Variants in CDH13 observed in about 807,000 individuals in gnomAD.
CDH13 encodes the protein cadherin 13, also known as cadherin-13.
In CDH13, 24 loss-of-function variants were observed where a neutral mutation model predicts 63.8. The ratio of observed to expected loss-of-function variants is 0.38; its 90% CI spans 0.27 to 0.53. The LOEUF is 0.53. Among genes scored for constraint, CDH13 ranks in the 20% least tolerant of loss-of-function variants. The probability of loss-of-function intolerance (pLI) is 0.85; values close to 1 mark genes in which losing one functional copy is unlikely to be tolerated. For missense variants in CDH13, 1,049 were observed against 903.1 expected (o/e 1.16, Z -2.07); for synonymous variants, 503 against 355.3 (o/e 1.42, Z -4.67).
chr16:83,114,102 C>G (rs1170400211), intron 3 of CDH13, among the ~76,000 whole-genome samples: 1 of 152,170 alleles, frequency 6.6e-6, no homozygotes, highest in Non-Finnish European at 1.5e-5. Flanking sequence ...AGTTTATTTT[C>G]TACCCGAAGC....
intron 7 of CDH13, among the ~76,000 whole-genome samples, chr16:83,491,226 G>A (rs1319480520): frequency 6.6e-6 from 1 of 152,218 alleles, no homozygotes; most frequent in Non-Finnish European, 1.5e-5. Flanking sequence ...TGGGTGAATA[G>A]GATGGACAGG....
chr16:82,868,180 A>G (rs1288747913), intron 2 of CDH13, among the ~76,000 whole-genome samples: 2 of 152,208 alleles, frequency 1.3e-5, no homozygotes, highest in Non-Finnish European at 1.5e-5. Flanking sequence ...TGTGCCAAGG[A>G]AAATTATTCT....
intron 1 of CDH13, among the ~76,000 whole-genome samples, chr16:82,777,867 G>T (rs1161234585): frequency 1.3e-5 from 2 of 152,112 alleles, no homozygotes; most frequent in South Asian, 2.1e-4. Context: ...TTAATTCCTT[G>T]CCTTTTGGAC....
chr16:82,946,653 G>A (rs1234031875), intron 2 of CDH13, among the ~76,000 whole-genome samples: 2 of 151,952 alleles, frequency 1.3e-5, no homozygotes, highest in African/African-American at 4.8e-5. Flanking sequence ...ACCAGGAGGT[G>A]GAGGTTGCAG....
At chr16:82,719,618 G>T in intron 1 of CDH13, 2 of 344,770 alleles carry the variant, frequency 5.8e-6, no homozygotes, top group South Asian at 2.3e-5. Context: ...AGCCAAGGTG[G>T]GTGGATCACC....
intron 7 of CDH13, among the ~76,000 whole-genome samples, chr16:83,524,793 C>G (rs912877797): frequency 1.3e-5 from 2 of 152,102 alleles, no homozygotes; most frequent in African/African-American, 4.8e-5. Flanking sequence ...GCTGAGAGGT[C>G]TTGGCAAACC....
chr16:83,138,454 C>G (rs2036392736), intron 4 of CDH13, among the ~76,000 whole-genome samples: 1 of 152,148 alleles, frequency 6.6e-6, no homozygotes, highest in South Asian at 2.1e-4. Flanking sequence ...CAACGCGAAG[C>G]TGAGATGGGA....
intron 2 of CDH13, among the ~76,000 whole-genome samples, chr16:82,994,727 A>G (rs1323913914): frequency 1.3e-5 from 2 of 152,240 alleles, no homozygotes; most frequent in Admixed American, 1.3e-4. Context: ...ATAGTATTCA[A>G]GCCCCAAACA....
At chr16:83,748,497 C>A (rs1021372126) in intron 11 of CDH13, among the ~76,000 whole-genome samples, 3 of 152,120 alleles carry the variant, frequency 2.0e-5, no homozygotes, top group African/African-American at 4.8e-5. Context: ...CTCACCCTGT[C>A]CCATCTTGGG....
intron 6 of CDH13, among the ~76,000 whole-genome samples, chr16:83,429,782 A>G (rs1439954983): frequency 3.3e-5 from 5 of 152,178 alleles, no homozygotes; most frequent in African/African-American, 4.8e-5. Context: ...TTATTGTGGT[A>G]AGAACACTTA....
In CDH13 at chr16:83,644,275, A is replaced by G. The variant is rs568907724; in HGVS notation, c.1102-26515A>G. On this transcript the variant is annotated intron_variant, in intron 8 of 13. Transcript: ENST00000567109. ...ATATAACGGATTTCCCTTCTGATCC[A>G]TAATGCCAAACAATATGCTACTTCA... is the stretch of plus-strand genomic sequence containing the variant. 2.0e-5 allele frequency among the ~76,000 whole-genome samples: 3 copies of G among 152,340 alleles called. No homozygotes were observed. In the South Asian group the frequency reaches 6.2e-4, roughly 32 times the overall value.
intron 1 of CDH13, among the ~76,000 whole-genome samples, chr16:82,777,182 T>G (rs1393670707): frequency 6.6e-6 from 1 of 152,156 alleles, no homozygotes; most frequent in Non-Finnish European, 1.5e-5. Context: ...TTACCCAGAG[T>G]GGTCTCCAAC....
chr16:82,686,600 C>A (rs540077014), intron 1 of CDH13, among the ~76,000 whole-genome samples: 1 of 152,174 alleles, frequency 6.6e-6, no homozygotes, highest in Admixed American at 6.5e-5. Context: ...CTCTGGCCTT[C>A]GGTTTTTCAG....
intron 1 of CDH13, among the ~76,000 whole-genome samples, chr16:82,771,579 G>C (rs962063827): frequency 1.3e-5 from 2 of 152,186 alleles, no homozygotes; most frequent in African/African-American, 4.8e-5. Context: ...ACGGAGGCTC[G>C]GAGAGTTTCA....
chr16:83,647,038 C>T (rs375035887), intron 8 of CDH13, among the ~76,000 whole-genome samples: 3 of 151,958 alleles, frequency 2.0e-5, no homozygotes, highest in Non-Finnish European at 4.4e-5. Context: ...CGGCCAGGCG[C>T]GGTGGCTCAC....
At chr16:83,702,030 T>C (rs1906315349) in intron 10 of CDH13, among the ~76,000 whole-genome samples, 1 of 152,194 alleles carries the variant, frequency 6.6e-6, no homozygotes, top group African/African-American at 2.4e-5. Context: ...CTAGCAAAGC[T>C]CTTAGCACAG....
chr16:82,972,705 C>G (rs1382667768), intron 2 of CDH13, among the ~76,000 whole-genome samples: 1 of 152,168 alleles, frequency 6.6e-6, no homozygotes, highest in Non-Finnish European at 1.5e-5. Context: ...TAGATTGGCA[C>G]CATTCCATGA....
chr16:83,330,669 G>A (rs2090461305), intron 5 of CDH13, among the ~76,000 whole-genome samples: 1 of 152,198 alleles, frequency 6.6e-6, no homozygotes, highest in African/African-American at 2.4e-5. Flanking sequence ...TCCCCAGAGT[G>A]TGGGCCTGGA....
intron 8 of CDH13, among the ~76,000 whole-genome samples, chr16:83,627,127 C>CA (rs11407282): frequency 0.89 from 128,781 of 145,482 alleles, 56,929 homozygotes; most frequent in Middle Eastern, 0.97. Flanking sequence ...CACTAAAATA[C>CA]AAAAAAAAAA....
Sources: gnomAD v4.1 joint callset for allele counts (sites outside exome capture counted in the v4.1 genomes callset) on GRCh38, gnomAD v4.1.1 for gene constraint, MANE v1.5 for transcripts, NCBI Gene and HGNC (gene_info 2026-07-23, HGNC 2026-07-21) for gene names.